Variants in P3H2 observed in about 807,000 individuals in gnomAD.
The protein encoded by P3H2 is prolyl 3-hydroxylase 2.
Under a neutral mutation model 87.0 loss-of-function variants are expected in P3H2, and 80 were observed. That is an observed-to-expected ratio of 0.92 (90% CI 0.77 to 1.11). The LOEUF (loss-of-function observed/expected upper bound fraction) is 1.11, where lower values mean the gene tolerates loss of function less well. P3H2 is among the 50% of genes least tolerant of loss of function. P3H2 has a pLI of 0.00. For synonymous variants in P3H2, 367 were observed against 359.3 expected (o/e 1.02, Z -0.24); for missense variants, 1,001 against 923.9 (o/e 1.08, Z -1.08).
intron 9 of P3H2, 46 bp from the exon 10 acceptor site, chr3:189,974,050 TTCA>T (rs1723271309): frequency 6.7e-7 from 1 of 1,485,942 alleles, no homozygotes; most frequent in Non-Finnish European, 9.4e-7. Context: ...TAACTATGAA[TTCA>T]TCAGGTCTTT....
At chr3:190,056,561 C>G (rs1726160978) in intron 1 of P3H2, among the ~76,000 whole-genome samples, 3 of 152,276 alleles carry the variant, frequency 2.0e-5, no homozygotes, top group East Asian at 1.9e-4. Flanking sequence ...TCTGAAAAGC[C>G]AAATCTACAG....
At chr3:189,966,109 G>GAAA (rs1722979275) in intron 13 of P3H2, among the ~76,000 whole-genome samples, 1 of 80,188 alleles carries the variant, frequency 1.2e-5, no homozygotes, top group African/African-American at 5.9e-5. Context: ...AAAGAAAAAA[G>GAAA]AAAGAAAGAA....
At position 190,111,729 on chromosome 3, in the gene P3H2, T is replaced by C. The variant is rs566311415; in HGVS notation, c.480+8523A>G. Among the ~76,000 whole-genome samples, 3 of 152,328 alleles carry C rather than the reference T, an allele frequency of 2.0e-5. No homozygotes were observed. In the South Asian group the frequency reaches 6.2e-4, roughly 32 times the overall value. On this transcript the variant is annotated intron_variant, in intron 1 of 14. Transcript: ENST00000319332. ...CCTATTCCCCACTTGAATGTGACTC[T>C]TTCTTTCTTATGAGGTTTCAAAGAC...
intron 1 of P3H2, among the ~76,000 whole-genome samples, chr3:190,114,044 C>T (rs1712179620): frequency 8.1e-6 from 1 of 123,814 alleles, no homozygotes; most frequent in Non-Finnish European, 1.7e-5. Flanking sequence ...GTCGCCACCA[C>T]ACTCCAGCCT....
At chr3:190,041,274 T>TAA (rs67754532) in intron 1 of P3H2, among the ~76,000 whole-genome samples, 159 of 117,760 alleles carry the variant, frequency 1.4e-3, no homozygotes, top group African/African-American at 5.0e-3. Context: ...TAACCTGTCT[T>TAA]AAAAAAAAAA....
intron 1 of P3H2, among the ~76,000 whole-genome samples, chr3:190,074,230 C>T (rs552977572): frequency 4.6e-5 from 7 of 152,142 alleles, no homozygotes; most frequent in Non-Finnish European, 8.8e-5. Context: ...TGATTCTTGG[C>T]CAGGTGCGGT....
intron 1 of P3H2, among the ~76,000 whole-genome samples, chr3:190,100,526 A>G (rs1399357084): frequency 6.6e-6 from 1 of 152,152 alleles, no homozygotes; most frequent in African/African-American, 2.4e-5. Context: ...AGAGACTTCC[A>G]AGATTACATA....
chr3:190,078,418 T>C (rs1307991858), intron 1 of P3H2, among the ~76,000 whole-genome samples: 1 of 152,220 alleles, frequency 6.6e-6, no homozygotes, highest in East Asian at 1.9e-4. Flanking sequence ...AACAAGAAAG[T>C]ATATGTCAAT....
intron 1 of P3H2, among the ~76,000 whole-genome samples, chr3:190,034,833 T>C (rs1028903659): frequency 2.8e-5 from 4 of 143,010 alleles, no homozygotes; most frequent in Non-Finnish European, 4.5e-5. Context: ...GCCAAATCGC[T>C]TTTTCTTTTC....
intron 1 of P3H2, among the ~76,000 whole-genome samples, chr3:190,030,924 C>T (rs1725232599): frequency 1.3e-5 from 2 of 152,172 alleles, no homozygotes; most frequent in African/African-American, 4.8e-5. Flanking sequence ...TTGATCTTAG[C>T]CTCATATCCT....
chr3:190,055,524 C>CTTTTT, intron 1 of P3H2, among the ~76,000 whole-genome samples: 1 of 121,332 alleles, frequency 8.2e-6, no homozygotes, highest in Non-Finnish European at 1.7e-5. Context: ...ATACAGAGTG[C>CTTTTT]TTTTTTTTTT....
In P3H2 at chr3:189,957,694, T is replaced by C. The variant is rs1446142474; in HGVS notation, c.*218A>G. On this transcript the variant is annotated 3_prime_UTR_variant, in exon 15 of 15. Transcript: ENST00000319332. Reference sequence around the variant, plus strand: ...CTAGACAACATGGTTAGACCATGTCTCTAAGAAGAGAGAGAGAGAGAGAGA... The same window carrying C: ...CTAGACAACATGGTTAGACCATGTCCCTAAGAAGAGAGAGAGAGAGAGAGA... 2.1e-6 allele frequency: 1 copy of C among 465,390 alleles called. No homozygotes were observed. The highest frequency in any genetic ancestry group is 3.7e-5 in the Admixed American group (1 of 27,000). 28.8% of individuals were successfully genotyped at this position (465,390 alleles called of 1,614,324 possible).
chr3:189,966,128 AAAG>A (rs2108904604), intron 13 of P3H2, among the ~76,000 whole-genome samples: 3 of 35,600 alleles, frequency 8.4e-5, no homozygotes, highest in South Asian at 1.9e-3. Context: ...AAAGAAAAAG[AAAG>A]AAAGAAAGAA....
intron 1 of P3H2, among the ~76,000 whole-genome samples, chr3:190,114,417 A>C (rs1186888050): frequency 6.6e-6 from 1 of 151,778 alleles, no homozygotes; most frequent in Non-Finnish European, 1.5e-5. Flanking sequence ...CGATCTCCTG[A>C]CCTCGTGATA....
At chr3:190,045,981 GCC>G (rs1725788517) in intron 1 of P3H2, among the ~76,000 whole-genome samples, 1 of 152,128 alleles carries the variant, frequency 6.6e-6, no homozygotes, top group Admixed American at 6.5e-5. Context: ...AAATTAGCCA[GCC>G]GTGGTGGCGG....
At chr3:190,029,354 G>C (rs1371846294) in intron 1 of P3H2, among the ~76,000 whole-genome samples, 1 of 152,158 alleles carries the variant, frequency 6.6e-6, no homozygotes, top group Non-Finnish European at 1.5e-5. Flanking sequence ...TCACCATACT[G>C]TTACCCCTAT....
intron 1 of P3H2, among the ~76,000 whole-genome samples, chr3:190,031,352 T>G (rs1725244410): frequency 7.7e-6 from 1 of 130,592 alleles, no homozygotes; most frequent in Non-Finnish European, 1.6e-5. Flanking sequence ...TTTAAAGAAG[T>G]GTATGCCGGG....
chr3:190,114,191 T>TA (rs1271368222), intron 1 of P3H2, among the ~76,000 whole-genome samples: 21 of 91,168 alleles, frequency 2.3e-4, no homozygotes, highest in Admixed American at 1.3e-3. Flanking sequence ...TTATTATTAT[T>TA]TTTTTTTTTT....
chr3:190,029,147 T>C (rs1233045251), intron 1 of P3H2, among the ~76,000 whole-genome samples: 2 of 152,228 alleles, frequency 1.3e-5, no homozygotes, highest in East Asian at 3.8e-4. Flanking sequence ...GGGTGGTTAG[T>C]ATTTATTAAG....
Sources: allele counts gnomAD v4.1 joint callset (sites outside exome capture counted in the v4.1 genomes callset), GRCh38; gene constraint gnomAD v4.1.1; transcripts MANE v1.5; gene names NCBI Gene and HGNC (gene_info 2026-07-23, HGNC 2026-07-21).